KIF27: variants seen among roughly 807,000 people sequenced by gnomAD.
KIF27 encodes the protein kinesin-like protein KIF27.
KIF27 carries 84 observed loss-of-function variants against 141.8 expected under a neutral mutation model. The ratio of observed to expected loss-of-function variants is 0.59; its 90% confidence interval spans 0.50 to 0.71. KIF27 has a LOEUF of 0.71. Among genes scored for constraint, KIF27 ranks in the 30% least tolerant of loss-of-function variants. KIF27 has a pLI of 0.00. For synonymous variants in KIF27, 471 were observed against 569.5 expected, an observed-to-expected ratio of 0.83 and a Z score of 2.46; for missense variants, 1,306 against 1,628.4, an observed-to-expected ratio of 0.80 and a Z score of 3.41.
At chr9:83,855,314 G>A (rs1949075365) in intron 14 of KIF27, 1 of 152,216 alleles carries the variant, frequency 6.6e-6, no homozygotes, top group South Asian at 2.1e-4. Context: ...GGGATTACAG[G>A]TGTGAGCCAC....
At chr9:83,894,560 T>C (rs1952990032) in intron 5 of KIF27, among the ~76,000 whole-genome samples, 1 of 152,232 alleles carries the variant, frequency 6.6e-6, no homozygotes, top group South Asian at 2.1e-4. Flanking sequence ...TGGTTCATGC[T>C]AGGCAAAGGG....
chr9:83,903,316 AC>A lies in KIF27; in HGVS notation c.1201del (p.Val401Ter). 6.2e-7 allele frequency: 1 copy of A among 1,614,218 alleles called. No individual in the cohort carries two copies. Among genetic ancestry groups the A allele is most frequent in the Non-Finnish European group, 8.5e-7 (1 of 1,180,024 alleles). On this transcript the variant is annotated frameshift_variant, in exon 4 of 18. Coordinates refer to ENST00000297814, the MANE Select transcript of KIF27 (RefSeq NM_017576.4). LOFTEE classifies it high-confidence loss of function. The stretch of plus-strand genomic sequence containing the variant: ...CAGACATTCTCCTTGAAGCTGAGCT[AC>A]TTGCTCCTCAAGAGAATGAATCCTA... ...TNRIHSLEEQVAQLQGECLGY... is the reference protein window; with the variant it reads ...TNRIHSLEEQXAQLQGECLGY...
intron 11 of KIF27, among the ~76,000 whole-genome samples, chr9:83,879,850 C>T (rs1261215814): frequency 6.6e-6 from 1 of 152,226 alleles, no homozygotes; most frequent in Admixed American, 6.5e-5. Flanking sequence ...TCTAGAACTG[C>T]TGTGCATACA....
intron 13 of KIF27, among the ~76,000 whole-genome samples, chr9:83,862,676 A>G (rs1950037895): frequency 6.6e-6 from 1 of 152,158 alleles, no homozygotes; most frequent in African/African-American, 2.4e-5. Flanking sequence ...TTGGTTCCAT[A>G]TGAACTTTAA....
chr9:83,902,199 T>A (rs1257993219), intron 4 of KIF27, among the ~76,000 whole-genome samples: 1 of 152,166 alleles, frequency 6.6e-6, no homozygotes, highest in African/African-American at 2.4e-5. Context: ...GAAATAAGCT[T>A]AGAGCTTAAA....
chr9:83,919,809 C>A (rs756839978), intron 1 of KIF27, among the ~76,000 whole-genome samples: 2 of 151,890 alleles, frequency 1.3e-5, no homozygotes, highest in African/African-American at 4.8e-5. Flanking sequence ...GCGAGAGGAT[C>A]CCTCCTGAAA....
intron 13 of KIF27, 73 bp downstream of exon 13, chr9:83,867,611 T>G: frequency 6.9e-7 from 1 of 1,451,528 alleles, no homozygotes; most frequent in Non-Finnish European, 9.1e-7. Flanking sequence ...TATGTTTTTC[T>G]GATTATAGCC....
At chr9:83,920,815 G>A (rs12552069) in intron 1 of KIF27, among the ~76,000 whole-genome samples, 18,835 of 151,776 alleles carry the variant, frequency 0.12, 1,268 homozygotes, top group Non-Finnish European at 0.14. Flanking sequence ...ATGTGCCCAA[G>A]GTTCAACCTC....
At chr9:83,909,000 T>C (rs1008555158) in intron 2 of KIF27, among the ~76,000 whole-genome samples, 2 of 152,208 alleles carry the variant, frequency 1.3e-5, no homozygotes, top group Admixed American at 1.3e-4. Flanking sequence ...AATTTATTCA[T>C]GTATTCATTG....
At chr9:83,838,251 T>TG (rs398011241) in intron 17 of KIF27, among the ~76,000 whole-genome samples, 2 of 152,028 alleles carry the variant, frequency 1.3e-5, no homozygotes, top group Non-Finnish European at 2.9e-5. Context: ...GTTTTTTTTT[T>TG]GAGACGGAGT....
At chr9:83,875,229 G>A (rs1313682566) in intron 11 of KIF27, among the ~76,000 whole-genome samples, 1 of 152,166 alleles carries the variant, frequency 6.6e-6, no homozygotes, top group Non-Finnish European at 1.5e-5. Context: ...ACAGATTCAT[G>A]GTGTTTTAAA....
intron 3 of KIF27, among the ~76,000 whole-genome samples, chr9:83,907,139 A>T (rs1382974981): frequency 1.3e-5 from 2 of 151,550 alleles, no homozygotes; most frequent in African/African-American, 2.4e-5. Flanking sequence ...AAATACAAAA[A>T]ATTAGCTGGA....
rs1052857790 is a variant in KIF27, at chr9:83,834,462, C to T, written c.*2539G>A. 1.3e-5 allele frequency among the ~76,000 whole-genome samples: 2 copies of T among 151,978 alleles called. No homozygotes were observed. The highest frequency in any genetic ancestry group is 2.4e-5 in the African/African-American group (1 of 41,400). ...AACCAAAAGGAAGAAAAACACCATA[C>T]CTTTGTTATTTAGAAATCAACTCAC... is the stretch of plus-strand genomic sequence containing the variant. On this transcript the variant is annotated 3_prime_UTR_variant, in exon 18 of 18. Transcript: ENST00000297814.
chr9:83,888,187 T>C (rs561635610), intron 8 of KIF27, among the ~76,000 whole-genome samples: 117 of 146,088 alleles, frequency 8.0e-4, no homozygotes, highest in Admixed American at 2.5e-3. Flanking sequence ...TTATACTGTA[T>C]TTTAACATCA....
chr9:83,864,816 C>G (rs1434867357), intron 13 of KIF27, among the ~76,000 whole-genome samples: 4 of 152,156 alleles, frequency 2.6e-5, no homozygotes. Context: ...GTCTAAGTCT[C>G]TTTGTAGGTC....
At chr9:83,920,168 C>T (rs912095543) in intron 1 of KIF27, among the ~76,000 whole-genome samples, 5 of 152,162 alleles carry the variant, frequency 3.3e-5, no homozygotes, top group African/African-American at 1.2e-4. Context: ...GAGGTTGAGG[C>T]TGCAGTGTGC....
chr9:83,878,074 G>A (rs1206296589), intron 11 of KIF27, among the ~76,000 whole-genome samples: 2 of 145,008 alleles, frequency 1.4e-5, no homozygotes, highest in African/African-American at 5.0e-5. Flanking sequence ...TGAGGCAGGA[G>A]AATGGCGTGA....
intron 11 of KIF27, among the ~76,000 whole-genome samples, chr9:83,877,272 TAA>T (rs1213849212): frequency 3.3e-5 from 5 of 152,172 alleles, no homozygotes; most frequent in Non-Finnish European, 7.3e-5. Context: ...TGCTGTACAC[TAA>T]GTCTCTAGAC....
At chr9:83,878,038 C>T (rs1951343767) in intron 11 of KIF27, among the ~76,000 whole-genome samples, 1 of 151,738 alleles carries the variant, frequency 6.6e-6, no homozygotes, top group African/African-American at 2.4e-5. Context: ...GTGGCGGGTG[C>T]CTGTAGTCCC....
Sources: gnomAD v4.1 joint callset for allele counts (sites outside exome capture counted in the v4.1 genomes callset) on GRCh38, gnomAD v4.1.1 for gene constraint, MANE v1.5 for transcripts, NCBI Gene and HGNC (gene_info 2026-07-23, HGNC 2026-07-21) for gene names.